CCDC102B: variants seen among roughly 807,000 people sequenced by gnomAD.
CCDC102B encodes the protein coiled-coil domain containing 102B.
CCDC102B carries 75 observed loss-of-function variants against 57.4 expected under a neutral mutation model. The observed-to-expected ratio is 1.31, with a 90% confidence interval of 1.08 to 1.58. The LOEUF is 1.58. Among genes scored for constraint, CCDC102B ranks in the 40% most tolerant of loss-of-function variants. The pLI is 0.00. For missense variants in CCDC102B, 636 were observed against 582.6 expected (o/e 1.09, Z -0.94); for synonymous variants, 206 against 201.9 (o/e 1.02, Z -0.17).
chr18:69,057,559 TG>T (rs771284879), downstream of CCDC102B, among the ~76,000 whole-genome samples: 6 of 151,966 alleles, frequency 3.9e-5, no homozygotes, highest in Non-Finnish European at 8.8e-5. Context: ...GGAGGATTGC[TG>T]GGGAGTCAGA....
intron 5 of CCDC102B, among the ~76,000 whole-genome samples, chr18:68,894,477 A>G (rs2040177384): frequency 6.6e-6 from 1 of 151,930 alleles, no homozygotes; most frequent in Non-Finnish European, 1.5e-5. Flanking sequence ...TCAGAAGCAA[A>G]GCAATGGAAT....
At chr18:68,741,702 CA>C (rs1568227116) in intron 2 of CCDC102B, among the ~76,000 whole-genome samples, 114 of 117,822 alleles carry the variant, frequency 9.7e-4, no homozygotes, top group Admixed American at 7.5e-3. Context: ...CACACACACA[CA>C]CACACACACA....
At chr18:68,820,538 A>G (rs1452455150) in intron 1 of CCDC102B, among the ~76,000 whole-genome samples, 1 of 152,116 alleles carries the variant, frequency 6.6e-6, no homozygotes, top group South Asian at 2.1e-4. Context: ...TATTGACCTC[A>G]TAAAATGAGT....
At position 69,037,036 on chromosome 18, in the gene CCDC102B, C is replaced by T. The variant is rs1005140290; in HGVS notation, c.1435-16994C>T. 6.7e-4 allele frequency among the ~76,000 whole-genome samples: 101 copies of T among 151,434 alleles called. 1 individual carries two copies. The East Asian group carries it at 0.017, about 26-fold the overall frequency. ...GTGTGGGGGTGTATATATACACACACACACACACACACACACATACATACA... is the reference window on the plus strand; with the variant it reads ...GTGTGGGGGTGTATATATACACACATACACACACACACACACATACATACA... On this transcript the variant is annotated intron_variant, in intron 7 of 7. Transcript: ENST00000360242.
chr18:68,856,289 T>C (rs1458078130), intron 4 of CCDC102B, among the ~76,000 whole-genome samples: 1 of 152,116 alleles, frequency 6.6e-6, no homozygotes, highest in Admixed American at 6.6e-5. Flanking sequence ...CTTCCAAATA[T>C]CATTTTTTTC....
chr18:68,777,892 G>A (rs2034878286), intron 2 of CCDC102B, among the ~76,000 whole-genome samples: 1 of 152,062 alleles, frequency 6.6e-6, no homozygotes, highest in South Asian at 2.1e-4. Context: ...AATCAAATGG[G>A]AAATTTTCTT....
intron 6 of CCDC102B, among the ~76,000 whole-genome samples, chr18:68,981,061 T>C (rs1258685436): frequency 2.0e-5 from 3 of 152,068 alleles, no homozygotes; most frequent in African/African-American, 4.8e-5. Flanking sequence ...GTAGATATCA[T>C]TGGATGGCTG....
chr18:68,988,392 A>G (rs143848224), intron 6 of CCDC102B, among the ~76,000 whole-genome samples: 47 of 41,020 alleles, frequency 1.1e-3, no homozygotes, highest in African/African-American at 4.8e-3. Context: ...GTAGACTGCT[A>G]GAGTGCGGAG....
chr18:68,932,225 T>C (rs953631262), intron 6 of CCDC102B, among the ~76,000 whole-genome samples: 2 of 151,902 alleles, frequency 1.3e-5, no homozygotes, highest in African/African-American at 4.8e-5. Context: ...GTCCAGGCTT[T>C]TGCTGTTGTC....
intron 5 of CCDC102B, among the ~76,000 whole-genome samples, chr18:68,876,733 A>G (rs2039464114): frequency 6.6e-6 from 1 of 152,206 alleles, no homozygotes; most frequent in East Asian, 1.9e-4. Flanking sequence ...TATAGATTTA[A>G]ACATTCTGGG....
At chr18:68,942,303 G>A (rs1034391221) in intron 6 of CCDC102B, among the ~76,000 whole-genome samples, 42 of 152,178 alleles carry the variant, frequency 2.8e-4, no homozygotes, top group African/African-American at 9.9e-4. Context: ...ACCTGTGGGC[G>A]TTTCTCGTCA....
chr18:69,011,883 A>G (rs553734397), intron 7 of CCDC102B, among the ~76,000 whole-genome samples: 6 of 152,268 alleles, frequency 3.9e-5, no homozygotes, highest in African/African-American at 1.4e-4. Context: ...AAGCAGCTGA[A>G]TTATTTTTCC....
At chr18:68,949,767 G>T (rs1434184201) in intron 6 of CCDC102B, among the ~76,000 whole-genome samples, 1 of 151,646 alleles carries the variant, frequency 6.6e-6, no homozygotes, top group Non-Finnish European at 1.5e-5. Context: ...TATTAATGTT[G>T]CAGTCCTAAA....
rs576392765 is a variant in CCDC102B at position 68,719,410 on chromosome 18, C to T, written c.-67+2816C>T. 6.4e-4 allele frequency among the ~76,000 whole-genome samples: 98 copies of T among 152,238 alleles called. 1 individual carries two copies. Among genetic ancestry groups the T allele is most frequent in the Admixed American group, 3.4e-3 (52 of 15,286 alleles). ...TCTGAAAACCTGATAATGAGGGGTC[C>T]AAAGGCCTGAAAACCACAAGTTAGT... On this transcript the variant is annotated intron_variant, in intron 2 of 3. Coordinates refer to the CCDC102B transcript ENST00000578970.
intron 2 of CCDC102B, among the ~76,000 whole-genome samples, chr18:68,759,973 T>G (rs755078037): frequency 8.5e-5 from 13 of 152,082 alleles, no homozygotes; most frequent in Non-Finnish European, 1.9e-4. Context: ...TGCAGGGGTA[T>G]AAAGGCACAG....
chr18:68,747,905 A>G (rs2033685368), intron 2 of CCDC102B, among the ~76,000 whole-genome samples: 1 of 152,160 alleles, frequency 6.6e-6, no homozygotes, highest in South Asian at 2.1e-4. Context: ...TGAATTGTAT[A>G]GTAGCTCTAT....
chr18:68,926,263 TAATC>T (rs1475417907), intron 6 of CCDC102B, among the ~76,000 whole-genome samples: 2 of 151,928 alleles, frequency 1.3e-5, no homozygotes, highest in African/African-American at 4.8e-5. Context: ...AACTAAGATT[TAATC>T]AAATATAGTT....
At chr18:68,785,043 G>A (rs1041712941) in intron 2 of CCDC102B, among the ~76,000 whole-genome samples, 14 of 136,784 alleles carry the variant, frequency 1.0e-4, no homozygotes, top group African/African-American at 3.9e-4. Context: ...TGATTTCATT[G>A]TTCAATTCCC....
chr18:68,978,150 C>T (rs975492876), intron 6 of CCDC102B, among the ~76,000 whole-genome samples: 9 of 152,002 alleles, frequency 5.9e-5, no homozygotes, highest in East Asian at 3.9e-4. Context: ...CTATTCTTCT[C>T]GAGTGAGCCC....
Sources: gnomAD v4.1 joint callset for allele counts (sites outside exome capture counted in the v4.1 genomes callset) on GRCh38, gnomAD v4.1.1 for gene constraint, MANE v1.5 for transcripts, NCBI Gene and HGNC (gene_info 2026-07-23, HGNC 2026-07-21) for gene names.